SCN2A: variants seen among roughly 807,000 people sequenced by gnomAD.
SCN2A encodes sodium channel protein type 2 subunit alpha.
Under a neutral mutation model 188.7 loss-of-function variants are expected in SCN2A, and 20 were observed. The ratio of observed to expected loss-of-function variants is 0.11; its 90% CI spans 0.07 to 0.15. SCN2A has a LOEUF of 0.15. SCN2A is among the 10% of genes least tolerant of loss of function. SCN2A has a pLI of 1.00. For synonymous variants in SCN2A, 804 were observed against 833.1 expected (o/e 0.97, Z 0.60); for missense variants, 1,278 against 2,445.0 (o/e 0.52, Z 10.07).
chr2:165,323,506 G>T lies in SCN2A; in HGVS notation c.2016+6G>T, dbSNP rs748611550. 4 of 1,607,416 alleles carry T rather than the reference G, an allele frequency of 2.5e-6. No individual in the cohort carries two copies. Among genetic ancestry groups the T allele is most frequent in the African/African-American group, 2.7e-5 (2 of 74,848 alleles). ...CTGGGCAGCTCCTACCAGAGGTGAG[G>T]CCAATTAAAATTGCAGCTGATGTGA... is the stretch of plus-strand genomic sequence containing the variant. On this transcript the variant is annotated splice_donor_region_variant and intron_variant, in intron 12 of 26. Transcript: ENST00000375437.
chr2:165,291,434 T>TTCTC (rs753245223), intron 1 of SCN2A, among the ~76,000 whole-genome samples: 17 of 105,060 alleles, frequency 1.6e-4, no homozygotes, highest in South Asian at 3.9e-4. Flanking sequence ...CTGTCTTTCT[T>TTCTC]TCTCTTTCTT....
intron 13 of SCN2A, chr2:165,328,373 G>A (rs1339849063): frequency 1.6e-5 from 7 of 438,180 alleles, no homozygotes; most frequent in Non-Finnish European, 2.1e-5. Context: ...CCCCCCAGCT[G>A]CCAGTAGCTT....
chr2:165,377,992 C>G (rs1177163144), intron 23 of SCN2A, among the ~76,000 whole-genome samples: 1 of 151,636 alleles, frequency 6.6e-6, no homozygotes, highest in Non-Finnish European at 1.5e-5. Context: ...TATTTTTTAT[C>G]TGTAATATAT....
intron 23 of SCN2A, among the ~76,000 whole-genome samples, chr2:165,380,083 C>G (rs540342395): frequency 6.6e-6 from 1 of 151,958 alleles, no homozygotes; most frequent in African/African-American, 2.4e-5. Context: ...AACCCTTACA[C>G]TTAGCAATTA....
intron 16 of SCN2A, among the ~76,000 whole-genome samples, chr2:165,350,714 C>T (rs1177103194): frequency 1.3e-3 from 4 of 3,084 alleles, no homozygotes; most frequent in East Asian, 0.056. Flanking sequence ...CCTCGTGATC[C>T]GCCCGAGGCC....
chr2:165,348,938 A>G (rs1281748526), intron 16 of SCN2A, among the ~76,000 whole-genome samples: 1 of 152,012 alleles, frequency 6.6e-6, no homozygotes, highest in Non-Finnish European at 1.5e-5. Context: ...TTTATGTTCT[A>G]CTCTTGAAAG....
chr2:165,252,978 G>A (rs1239894366), intron 1 of SCN2A, among the ~76,000 whole-genome samples: 4 of 151,976 alleles, frequency 2.6e-5, no homozygotes, highest in African/African-American at 9.7e-5. Context: ...CAGTGGGGAC[G>A]GGCAGTTTAG....
chr2:165,348,414 G>A (rs954321700), intron 16 of SCN2A, among the ~76,000 whole-genome samples: 1 of 148,068 alleles, frequency 6.8e-6, no homozygotes, highest in Non-Finnish European at 1.5e-5. Context: ...CTCATATAAA[G>A]GTAACCTCCA....
intron 1 of SCN2A, chr2:165,270,175 T>C (rs1422323428): frequency 1.3e-5 from 2 of 152,012 alleles, no homozygotes; most frequent in Non-Finnish European, 2.9e-5. Context: ...CTCAAGCAAG[T>C]TTCTTTTCAC....
At chr2:165,348,616 A>T (rs770302713) in intron 16 of SCN2A, among the ~76,000 whole-genome samples, 1 of 152,196 alleles carries the variant, frequency 6.6e-6, no homozygotes, top group South Asian at 2.1e-4. Context: ...TGATTACTTC[A>T]TAGTTTCTGT....
intron 11 of SCN2A, 44 bp from the exon 12 acceptor site, chr2:165,323,112 A>C: frequency 1.7e-5 from 25 of 1,491,204 alleles, no homozygotes; most frequent in Non-Finnish European, 2.0e-5. Flanking sequence ...GCCAGCTCTT[A>C]ACTCTCTTCA....
chr2:165,300,135 AAAT>A (rs1158653332), intron 3 of SCN2A, among the ~76,000 whole-genome samples: 1 of 152,222 alleles, frequency 6.6e-6, no homozygotes, highest in Non-Finnish European at 1.5e-5. Context: ...AACAAGTTAA[AAAT>A]AATCTATGTT....
chr2:165,376,113 G>C (rs929985245), intron 22 of SCN2A, among the ~76,000 whole-genome samples: 1 of 151,754 alleles, frequency 6.6e-6, no homozygotes, highest in African/African-American at 2.4e-5. Context: ...ACATTCTGTA[G>C]AGCTATTGTA....
At chr2:165,365,095 G>C (rs751771011) in intron 17 of SCN2A, 48 bp from the exon 18 acceptor site, 2 of 1,534,870 alleles carry the variant, frequency 1.3e-6, no homozygotes, top group South Asian at 2.3e-5. Context: ...TTTATATTTA[G>C]ATTAAAGAAA....
intron 1 of SCN2A, among the ~76,000 whole-genome samples, chr2:165,287,944 G>A (rs1695924643): frequency 6.6e-6 from 1 of 152,160 alleles, no homozygotes; most frequent in African/African-American, 2.4e-5. Flanking sequence ...AAATTTATTA[G>A]TGTGTTGCTA....
chr2:165,327,231 T>A, intron 13 of SCN2A: 1 of 456,034 alleles, frequency 2.2e-6, no homozygotes, highest in South Asian at 2.1e-5. Context: ...TTTCATACAT[T>A]AAATTCTAAA....
At position 165,252,247 on chromosome 2, in the gene SCN2A, G is replaced by A. The variant is rs567712227; in HGVS notation, c.-52+12607G>A. On this transcript the variant is annotated intron_variant, in intron 1 of 26. Transcript: ENST00000375437. Reference sequence around the variant, plus strand: ...TATTCTGCATATCTGAATGCATCAAGATATTAATAAGCATCTTAATACTTT... The same window carrying A: ...TATTCTGCATATCTGAATGCATCAAAATATTAATAAGCATCTTAATACTTT... Among the ~76,000 whole-genome samples, 79 of 152,110 alleles carry A rather than the reference G, an allele frequency of 5.2e-4. 1 individual carries two copies. Among genetic ancestry groups the A allele is most frequent in the African/African-American group, 1.9e-3 (79 of 41,530 alleles).
chr2:165,299,357 G>A (rs1373358659), intron 3 of SCN2A, among the ~76,000 whole-genome samples: 1 of 152,214 alleles, frequency 6.6e-6, no homozygotes, highest in Non-Finnish European at 1.5e-5. Context: ...GGAGATGCAG[G>A]TTGAAATGTG....
chr2:165,323,354 A>C lies in SCN2A; in HGVS notation c.1870A>C (p.Asn624His). 1 of 1,614,168 alleles carries C rather than the reference A, an allele frequency of 6.2e-7. No individual in the cohort carries two copies. The highest frequency in any genetic ancestry group is 8.5e-7 in the Non-Finnish European group (1 of 1,180,022). ...CAGACATGGAGAACGGCGCCACAGC[A>C]ATGTCAGCCAGGCCAGCCGTGCCTC... is the stretch of plus-strand genomic sequence containing the variant. ...PHRHGERRHS[N>H]VSQASRASRV... is the part of the protein sequence containing the mutation. The change falls in exon 12 of 27, where the codon AAT becomes CAT. Residue 624 changes from asparagine to histidine, a missense_variant. Physicochemically the swap from Asn to His is moderately conservative, Grantham distance 68 (BLOSUM62 1). This residue lies in a region of SCN2A where 315 missense variants were observed against 386.6 expected (regional missense o/e 0.81). Coordinates refer to ENST00000375437, the MANE Select transcript of SCN2A (RefSeq NM_001040142.2).
Sources: allele counts gnomAD v4.1 joint callset (sites outside exome capture counted in the v4.1 genomes callset), GRCh38; gene constraint gnomAD v4.1.1; regional missense constraint gnomAD v4.1.1; transcripts MANE v1.5; gene names NCBI Gene and HGNC (gene_info 2026-07-23, HGNC 2026-07-21).